Variants in PACS2 observed in about 807,000 individuals in gnomAD.
PACS2 encodes phosphofurin acidic cluster sorting protein 2, also known as PACS1-like protein.
In PACS2, 36 loss-of-function variants were observed where a neutral mutation model predicts 113.0. The ratio of observed to expected loss-of-function variants is 0.32; its 90% CI spans 0.24 to 0.42. PACS2 has a LOEUF of 0.42. Ranked by LOEUF, PACS2 falls within the 10% of genes least tolerant of loss-of-function variation. The pLI is 1.00. For synonymous variants in PACS2, 589 were observed against 536.1 expected (o/e 1.10, Z -1.36); for missense variants, 1,015 against 1,239.5 (o/e 0.82, Z 2.72).
upstream of PACS2, among the ~76,000 whole-genome samples, chr14:105,309,608 C>G (rs887524939): frequency 7.9e-5 from 12 of 152,192 alleles, no homozygotes; most frequent in Non-Finnish European, 1.5e-4. The surrounding 1 kb of genome is among the most constrained non-coding windows in gnomAD (Gnocchi z 4.0). Context: ...CCAAGCCACT[C>G]TGCAGAGCTG....
At chr14:105,368,927 G>A (rs1161919181) in intron 7 of PACS2, among the ~76,000 whole-genome samples, 1 of 152,206 alleles carries the variant, frequency 6.6e-6, no homozygotes, top group Non-Finnish European at 1.5e-5. Context: ...CTACCTCCAC[G>A]GTCCCCAGGA....
chr14:105,338,643 C>T (rs947409169), intron 1 of PACS2, among the ~76,000 whole-genome samples: 1 of 152,196 alleles, frequency 6.6e-6, no homozygotes, highest in Non-Finnish European at 1.5e-5. Context: ...TCATCTGCCC[C>T]AGGGCCAGGT....
chr14:105,382,660 G>A (rs587709117), intron 14 of PACS2, 79 bp downstream of exon 14: 45 of 1,000,064 alleles, frequency 4.5e-5, no homozygotes, highest in African/African-American at 3.0e-4. Flanking sequence ...CCCCCTACCC[G>A]GCACACCTGG....
intron 9 of PACS2, among the ~76,000 whole-genome samples, chr14:105,377,701 C>T (rs1267777526): frequency 2.0e-5 from 3 of 152,348 alleles, no homozygotes; most frequent in South Asian, 4.1e-4. Context: ...CCTCACCTGC[C>T]CCGGCCTGGC....
At chr14:105,375,163 G>A (rs2061306042) in intron 8 of PACS2, among the ~76,000 whole-genome samples, 1 of 151,880 alleles carries the variant, frequency 6.6e-6, no homozygotes, top group Middle Eastern at 3.4e-3. Context: ...CAAAGACAAA[G>A]AACAGTGAAT....
In PACS2 at chr14:105,357,258, C is replaced by T. The variant is rs1387086991; in HGVS notation, c.423+2081C>T. On this transcript the variant is annotated intron_variant, in intron 4 of 24. Coordinates refer to ENST00000447393, the MANE Select transcript of PACS2 (RefSeq NM_001100913.3). This position sits in a 1 kb window ranked among gnomAD's most constrained non-coding sequence, Gnocchi z 5.1. ...CCTGATCCCCGGGGAGAGGCTGGAG[C>T]AACCTTCCCCCACCCCAGGTCACAC... 2.0e-5 allele frequency among the ~76,000 whole-genome samples: 3 copies of T among 152,090 alleles called. No individual in the cohort carries two copies. The highest frequency in any genetic ancestry group is 2.9e-5 in the Non-Finnish European group (2 of 68,010).
intron 2 of PACS2, among the ~76,000 whole-genome samples, chr14:105,351,401 T>C (rs1267232561): frequency 6.6e-6 from 1 of 152,206 alleles, no homozygotes; most frequent in Non-Finnish European, 1.5e-5. Flanking sequence ...GAACTGTGTT[T>C]TCAGGTGCTC....
At position 105,376,711 on chromosome 14, in the gene PACS2, C is replaced by G; in HGVS notation, c.802-57C>G. 6.3e-7 allele frequency: 1 copy of G among 1,576,168 alleles called. No homozygotes were observed. The highest frequency in any genetic ancestry group is 1.1e-5 in the South Asian group (1 of 88,792). On this transcript the variant is annotated intron_variant, in intron 8 of 24. Transcript: ENST00000447393. The surrounding 1 kb of genome is among the most constrained non-coding windows in gnomAD (Gnocchi z 4.7). ...GCAGACTCTGGGGTCTCGGGCGCCC[C>G]CAGTGGGGCAATGTGGGCTGCTGCA...
chr14:105,379,153 G>A (rs1167619003), intron 9 of PACS2, among the ~76,000 whole-genome samples: 2 of 152,220 alleles, frequency 1.3e-5, no homozygotes, highest in African/African-American at 4.8e-5. Context: ...TGGGTGGCCT[G>A]CATCAGTGTG....
At chr14:105,337,834 A>T (rs1474070319) in intron 1 of PACS2, among the ~76,000 whole-genome samples, 1 of 152,218 alleles carries the variant, frequency 6.6e-6, no homozygotes, top group East Asian at 1.9e-4. Context: ...TCAGGCTTCC[A>T]GAAGTCAGTG....
intron 1 of PACS2, among the ~76,000 whole-genome samples, chr14:105,335,388 GACGCTGTGGCCGGCGCCTGGCGTGGCTC>G (rs1201978114): frequency 8.6e-5 from 13 of 152,032 alleles, no homozygotes; most frequent in African/African-American, 2.2e-4. Context: ...GCGTGGCTCT[GACGCTGTGGCCGGCGCCTGGCGTGGCTC>G]TGACGCTGTG....
intron 4 of PACS2, among the ~76,000 whole-genome samples, chr14:105,363,961 G>A (rs1002026800): frequency 1.3e-5 from 2 of 152,078 alleles, no homozygotes; most frequent in Non-Finnish European, 2.9e-5. Flanking sequence ...CCGGTGGGCT[G>A]AGCAGTCAGA....
intron 8 of PACS2, among the ~76,000 whole-genome samples, chr14:105,374,302 A>C (rs2061265231): frequency 6.6e-6 from 1 of 152,202 alleles, no homozygotes; most frequent in African/African-American, 2.4e-5. Context: ...AAGCAACAAA[A>C]GGTAAGTTTT....
rs781995964 is a variant in PACS2 at position 105,354,756 on chromosome 14, G to A, written c.298-296G>A. Among the ~76,000 whole-genome samples, 3 of 152,206 alleles carry A rather than the reference G, an allele frequency of 2.0e-5. No homozygotes were observed. The highest frequency in any genetic ancestry group is 2.9e-5 in the Non-Finnish European group (2 of 68,038). On this transcript the variant is annotated intron_variant, in intron 3 of 24. Coordinates refer to ENST00000447393, the MANE Select transcript of PACS2 (RefSeq NM_001100913.3). This position sits in a 1 kb window ranked among gnomAD's most constrained non-coding sequence, Gnocchi z 4.2. ...GTCCACAGGCGCGCTCGGCCATCCC[G>A]GACACTGCAGCACATAGTCCTTGTC...
rs200305252 is a variant in PACS2, at chr14:105,380,127, C to T, written c.1098C>T (p.Ser366=). 5.2e-6 allele frequency: 8 copies of T among 1,552,756 alleles called. No homozygotes were observed. Among genetic ancestry groups the T allele is most frequent in the East Asian group, 4.9e-5 (2 of 41,196 alleles). The part of the protein sequence containing the change: ...KTRSLGGRQP[S]DSVSDTVALG... ...GGTCCCTGGGAGGCAGGCAGCCGAG[C>T]GACAGTGTCTCTGACACGGTGGCCC... The change falls in exon 11 of 25, where the codon AGC becomes AGT. Residue 366 remains serine (S), a synonymous_variant. Coordinates refer to ENST00000447393, the MANE Select transcript of PACS2 (RefSeq NM_001100913.3).
At chr14:105,345,478 G>C (rs1555402434) in intron 1 of PACS2, among the ~76,000 whole-genome samples, 1 of 152,218 alleles carries the variant, frequency 6.6e-6, no homozygotes, top group Non-Finnish European at 1.5e-5. Context: ...AGCACTTAAT[G>C]CTATAAATTC....
intron 1 of PACS2, among the ~76,000 whole-genome samples, chr14:105,320,779 C>G (rs587704947): frequency 6.6e-6 from 1 of 152,210 alleles, no homozygotes; most frequent in East Asian, 1.9e-4. Flanking sequence ...TGAGTACTGC[C>G]TCTTTTGCTG....
At position 105,381,065 on chromosome 14, in the gene PACS2, A is replaced by C; in HGVS notation, c.1234A>C (p.Thr412Pro). The change falls in exon 12 of 25, where the codon ACC (threonine) becomes CCC (proline). Residue 412 changes from threonine to proline, a missense_variant. Physicochemically the swap from Thr to Pro is conservative, Grantham distance 38. This residue lies in a region of PACS2 where 859 missense variants were observed against 1,056.8 expected (regional missense o/e 0.81). Transcript: ENST00000447393. ...TERLPPSGRITKTESLVIPST... is the reference protein window; with the variant it reads ...TERLPPSGRIPKTESLVIPST... ...GAGGCTGCCGCCCAGCGGGAGGATCACCAAGACAGAGTCCCTTGTCATCCC... is the reference window on the plus strand; with the variant it reads ...GAGGCTGCCGCCCAGCGGGAGGATCCCCAAGACAGAGTCCCTTGTCATCCC... The C allele has an allele frequency of 6.2e-7, 1 of 1,612,346 alleles. No individual in the cohort carries two copies. Among genetic ancestry groups the C allele is most frequent in the Non-Finnish European group, 8.5e-7 (1 of 1,179,738 alleles).
At chr14:105,316,635 G>GC (rs979075650) in intron 1 of PACS2, among the ~76,000 whole-genome samples, 34 of 152,198 alleles carry the variant, frequency 2.2e-4, no homozygotes, top group African/African-American at 8.2e-4. Context: ...GGCCTTATCA[G>GC]CCCCCCTGTG....
Sources: allele counts gnomAD v4.1 joint callset (sites outside exome capture counted in the v4.1 genomes callset), GRCh38; gene constraint gnomAD v4.1.1; regional missense constraint gnomAD v4.1.1; non-coding constraint Gnocchi (gnomAD v3.1); transcripts MANE v1.5; gene names NCBI Gene and HGNC (gene_info 2026-07-23, HGNC 2026-07-21).